The following C2orf78 variants were observed in gnomAD, a reference collection of about 807,000 sequenced individuals.
C2orf78 encodes uncharacterized protein C2orf78.
C2orf78 carries 12 observed loss-of-function variants against 21.4 expected under a neutral mutation model. The ratio of observed to expected loss-of-function variants is 0.56; its 90% CI spans 0.36 to 0.91. C2orf78 has a LOEUF of 0.91. C2orf78 is among the 40% of genes least tolerant of loss of function. C2orf78 has a pLI of 0.01. For missense variants in C2orf78, 1,042 were observed against 1,092.4 expected (o/e 0.95, Z 0.65); for synonymous variants, 396 against 413.9 (o/e 0.96, Z 0.52).
At chr2:73,784,374 C>T in exon 1 of C2orf78, 1 of 1,199,840 alleles carries the variant, frequency 8.3e-7, no homozygotes, top group Non-Finnish European at 1.2e-6. Flanking sequence ...CTTCTATCTG[C>T]AGTTGATGTT....
At chr2:73,810,989 T>TATATATATATATATATATATA (rs1673078854) in intron 1 of C2orf78, among the ~76,000 whole-genome samples, 1 of 146,642 alleles carries the variant, frequency 6.8e-6, no homozygotes, top group African/African-American at 2.5e-5. Flanking sequence ...TATATATATG[T>TATATATATATATATATATATA]TTTAGAAATG....
At position 73,813,302 on chromosome 2, in the gene C2orf78, A is replaced by G. The variant is rs148967810; in HGVS notation, c.98-175A>G. On this transcript the variant is annotated intron_variant, in intron 1 of 2. Coordinates refer to ENST00000409561, the Ensembl canonical transcript of C2orf78. ...CACAAAGACAGTTCATCAGAAGAGGACCAAACTGCTTCAGCACTCAAGGCC... is the reference window on the plus strand; with the variant it reads ...CACAAAGACAGTTCATCAGAAGAGGGCCAAACTGCTTCAGCACTCAAGGCC... Among the ~76,000 whole-genome samples the G allele has an allele frequency of 3.9e-4, 60 of 152,242 alleles. 2 individuals carry two copies. Among genetic ancestry groups the G allele is most frequent in the Admixed American group, 3.9e-3 (59 of 15,278 alleles).
At chr2:73,815,527 T>C (rs939132078) in exon 3 of C2orf78, 4 of 1,613,780 alleles carry the variant, frequency 2.5e-6, no homozygotes, top group African/African-American at 2.7e-5. Context: ...GAAAATGGGA[T>C]TGAGTCTAGC....
chr2:73,811,587 A>C (rs1346315113), intron 1 of C2orf78, among the ~76,000 whole-genome samples: 2 of 152,212 alleles, frequency 1.3e-5, no homozygotes, highest in African/African-American at 2.4e-5. Flanking sequence ...TTTTAGACCT[A>C]AGAATAAAAA....
exon 3 of C2orf78, chr2:73,816,232 C>T (rs1247644529): frequency 2.5e-6 from 4 of 1,613,762 alleles, no homozygotes; most frequent in Non-Finnish European, 2.5e-6. Context: ...CCATTCCCAG[C>T]TCTCAAACCA....
At chr2:73,813,161 G>A (rs1398253212) in intron 1 of C2orf78, among the ~76,000 whole-genome samples, 1 of 152,184 alleles carries the variant, frequency 6.6e-6, no homozygotes, top group Non-Finnish European at 1.5e-5. Flanking sequence ...ATAGTTATGA[G>A]TCTATACTAG....
intron 1 of C2orf78, among the ~76,000 whole-genome samples, chr2:73,811,450 A>T (rs1272092004): frequency 6.6e-6 from 1 of 152,306 alleles, no homozygotes; most frequent in East Asian, 1.9e-4. Flanking sequence ...CTGAAAAAAG[A>T]ATGTATCGTT....
chr2:73,816,562 C>G (rs1004772240), exon 3 of C2orf78: 1 of 1,613,836 alleles, frequency 6.2e-7, no homozygotes, highest in Non-Finnish European at 8.5e-7. Context: ...TTGACAGGTC[C>G]TGCCACACCA....
intron 1 of C2orf78, among the ~76,000 whole-genome samples, chr2:73,807,970 G>A (rs1672990568): frequency 6.6e-6 from 1 of 151,052 alleles, no homozygotes. Context: ...AAAATCGGCA[G>A]TAGGGCCGGG....
chr2:73,816,189 C>T, exon 3 of C2orf78: 1 of 1,613,904 alleles, frequency 6.2e-7, no homozygotes, highest in Non-Finnish European at 8.5e-7. Flanking sequence ...CTCCAGGACC[C>T]TGGGAAGCTC....
At chr2:73,814,117 G>T (rs771686389) in exon 2 of C2orf78, 1 of 1,612,854 alleles carries the variant, frequency 6.2e-7, no homozygotes, top group South Asian at 1.1e-5. Flanking sequence ...AACCAGAAAT[G>T]GTGATGGTGC....
At chr2:73,784,806 T>C (rs915219253) in intron 1 of C2orf78, among the ~76,000 whole-genome samples, 1 of 151,516 alleles carries the variant, frequency 6.6e-6, no homozygotes, top group Non-Finnish European at 1.5e-5. Flanking sequence ...TCATGTGTAA[T>C]AGCCTCCCTC....
In C2orf78 at chr2:73,815,585, C is replaced by T. The variant is rs1477846116; in HGVS notation, c.1362C>T (p.Pro454=). Residue 454 remains proline (P), a synonymous_variant, in exon 3 of 3, where the codon CCC becomes CCT. Coordinates refer to ENST00000409561, the Ensembl canonical transcript of C2orf78. ...CATGGGTGGAGGATACTTACCTCCCCCCGATCTTCAGTTCCTTACAAGATC... is the reference window on the plus strand; with the variant it reads ...CATGGGTGGAGGATACTTACCTCCCTCCGATCTTCAGTTCCTTACAAGATC... 6 of 1,613,978 alleles carry T rather than the reference C, an allele frequency of 3.7e-6. No individual in the cohort carries two copies. The East Asian group carries it at 1.3e-4, about 36-fold the overall frequency.
At chr2:73,813,625 A>G in exon 2 of C2orf78, 1 of 1,614,048 alleles carries the variant, frequency 6.2e-7, no homozygotes, top group Non-Finnish European at 8.5e-7. Context: ...GGCTACAGCC[A>G]TCAGCCTCTG....
intron 1 of C2orf78, among the ~76,000 whole-genome samples, chr2:73,810,084 A>T (rs1673047754): frequency 6.6e-6 from 1 of 152,224 alleles, no homozygotes; most frequent in Non-Finnish European, 1.5e-5. Flanking sequence ...GGTTTTAGCA[A>T]ATGCTTAGAT....
At chr2:73,813,066 T>A (rs1305075931) in intron 1 of C2orf78, among the ~76,000 whole-genome samples, 2 of 152,192 alleles carry the variant, frequency 1.3e-5, no homozygotes, top group Non-Finnish European at 2.9e-5. Context: ...TTAAAACAGG[T>A]CAATCTGACC....
chr2:73,786,067 A>G (rs905172063), intron 1 of C2orf78, among the ~76,000 whole-genome samples: 1 of 151,634 alleles, frequency 6.6e-6, no homozygotes, highest in Non-Finnish European at 1.5e-5. Context: ...AAAAAGAAAG[A>G]GAGAAATATG....
chr2:73,810,515 G>A (rs747486232), intron 1 of C2orf78, among the ~76,000 whole-genome samples: 1 of 141,020 alleles, frequency 7.1e-6, no homozygotes, highest in Non-Finnish European at 1.5e-5. Context: ...CAACAAGAGC[G>A]AAACTCTGTC....
chr2:73,813,821 A>G (rs373369135), exon 2 of C2orf78: 120 of 1,613,904 alleles, frequency 7.4e-5, no homozygotes, highest in Non-Finnish European at 9.7e-5. Flanking sequence ...CTTCACTGTG[A>G]CTGTCATTGA....
Sources: gnomAD v4.1 joint callset for allele counts (sites outside exome capture counted in the v4.1 genomes callset) on GRCh38, gnomAD v4.1.1 for gene constraint, MANE v1.5 for transcripts, NCBI Gene and HGNC (gene_info 2026-07-23, HGNC 2026-07-21) for gene names.